TRAK1: variants seen among roughly 807,000 people sequenced by gnomAD.
The protein encoded by TRAK1 is trafficking kinesin protein 1.
Under a neutral mutation model 92.1 loss-of-function variants are expected in TRAK1, and 33 were observed. The observed-to-expected ratio is 0.36, with a 90% CI of 0.27 to 0.48. The LOEUF is 0.48. TRAK1 is among the 20% of genes least tolerant of loss of function. The pLI is 0.99. For missense variants in TRAK1, 1,123 were observed against 1,257.9 expected (o/e 0.89, Z 1.62); for synonymous variants, 521 against 517.3 (o/e 1.01, Z -0.10).
At chr3:42,072,304 T>C (rs1703966290) in intron 1 of TRAK1, among the ~76,000 whole-genome samples, 1 of 152,088 alleles carries the variant, frequency 6.6e-6, no homozygotes, top group Non-Finnish European at 1.5e-5. Flanking sequence ...TTTTTGGGTC[T>C]TTCAGGTGGT....
rs568144078 is a variant in TRAK1 at position 42,127,607 on chromosome 3, T to C, written c.286+1993T>C. 2.0e-5 allele frequency among the ~76,000 whole-genome samples: 3 copies of C among 152,214 alleles called. No homozygotes were observed. In the East Asian group the frequency reaches 5.8e-4, roughly 29 times the overall value. On this transcript the variant is annotated intron_variant, in intron 2 of 15. Transcript: ENST00000327628. ...AACTCCAGGCCTCAAACAATCCTCC[T>C]GCTTCAGCCTCCCAAAGTGCTAGGA...
intron 1 of TRAK1, among the ~76,000 whole-genome samples, chr3:42,121,081 A>G (rs1709785391): frequency 6.6e-6 from 1 of 152,096 alleles, no homozygotes; most frequent in Non-Finnish European, 1.5e-5. Flanking sequence ...GGCTGCTCCT[A>G]CCTGATCTGC....
chr3:42,080,171 T>G (rs576532916), intron 1 of TRAK1, among the ~76,000 whole-genome samples: 113 of 152,124 alleles, frequency 7.4e-4, no homozygotes, highest in African/African-American at 2.2e-3. Context: ...GGGGAGAAAA[T>G]ATTAGGAACT....
chr3:42,193,018 G>T, intron 7 of TRAK1, 57 bp from the exon 8 acceptor site: 5 of 1,600,034 alleles, frequency 3.1e-6, no homozygotes, highest in Non-Finnish European at 4.3e-6. Context: ...CATTCTCTCT[G>T]GGTCTGCATG....
chr3:42,020,610 A>G (rs535016238), intron 1 of TRAK1, among the ~76,000 whole-genome samples: 1 of 152,326 alleles, frequency 6.6e-6, no homozygotes, highest in Admixed American at 6.5e-5. Context: ...GCTATGAACT[A>G]AGTGTATAAG....
chr3:42,031,586 T>C (rs932490213), intron 1 of TRAK1, among the ~76,000 whole-genome samples: 15 of 151,962 alleles, frequency 9.9e-5, no homozygotes, highest in Non-Finnish European at 2.2e-4. Flanking sequence ...TGAGCCATGA[T>C]TGTGCTACTG....
upstream of TRAK1, among the ~76,000 whole-genome samples, chr3:42,013,499 C>G (rs888836574): frequency 2.0e-5 from 3 of 151,594 alleles, no homozygotes; most frequent in African/African-American, 7.3e-5. This position sits in a 1 kb window ranked among gnomAD's most constrained non-coding sequence, Gnocchi z 5.1. Context: ...GGGCGCGGCT[C>G]CAGGCGACTA....
chr3:42,207,253 C>A (rs1056050575), intron 13 of TRAK1, among the ~76,000 whole-genome samples: 3 of 152,190 alleles, frequency 2.0e-5, no homozygotes, highest in Non-Finnish European at 4.4e-5. Context: ...TGTGCCTGCA[C>A]AGCCAGTGAG....
upstream of TRAK1, among the ~76,000 whole-genome samples, chr3:42,089,817 G>T (rs545714350): frequency 6.6e-6 from 1 of 152,246 alleles, no homozygotes; most frequent in African/African-American, 2.4e-5. Context: ...AAGTCGCGGA[G>T]GGCAAACTCT....
At chr3:42,184,884 T>G (rs182188033) in intron 4 of TRAK1, 83 bp downstream of exon 4, 1 of 1,331,466 alleles carries the variant, frequency 7.5e-7, no homozygotes, top group Non-Finnish European at 1.1e-6. Context: ...GATGAGAGAA[T>G]GGAGTCCTAG....
intron 1 of TRAK1, among the ~76,000 whole-genome samples, chr3:42,095,640 T>C (rs543537843): frequency 2.6e-5 from 4 of 152,318 alleles, no homozygotes; most frequent in Admixed American, 2.6e-4. Context: ...TTAACCATAT[T>C]ACTTAAAATG....
chr3:42,144,581 T>TA (rs1363683592), intron 2 of TRAK1, among the ~76,000 whole-genome samples: 1 of 152,176 alleles, frequency 6.6e-6, no homozygotes, highest in East Asian at 1.9e-4. Context: ...AATAAAATGT[T>TA]AAAAAAATTC....
At chr3:42,057,279 T>C (rs752944880) in intron 1 of TRAK1, among the ~76,000 whole-genome samples, 4 of 152,196 alleles carry the variant, frequency 2.6e-5, no homozygotes, top group Non-Finnish European at 5.9e-5. Context: ...TCCAGTTTTG[T>C]GCAATTGTTT....
At chr3:42,036,050 A>T (rs1244336886) in intron 1 of TRAK1, among the ~76,000 whole-genome samples, 2 of 152,240 alleles carry the variant, frequency 1.3e-5, no homozygotes, top group African/African-American at 2.4e-5. Flanking sequence ...CAGTTTTGAC[A>T]GTGGCCTGGC....
intron 1 of TRAK1, among the ~76,000 whole-genome samples, chr3:42,112,855 C>CT (rs1223344259): frequency 9.2e-5 from 14 of 152,020 alleles, no homozygotes; most frequent in African/African-American, 3.4e-4. Context: ...ACTGCATCCT[C>CT]TAACTGCTGT....
chr3:42,207,361 C>T (rs1399401902), intron 13 of TRAK1, among the ~76,000 whole-genome samples: 1 of 152,152 alleles, frequency 6.6e-6, no homozygotes, highest in Admixed American at 6.5e-5. Context: ...GCCCTGGACA[C>T]CCATCTGGAA....
chr3:42,087,387 C>T (rs1006528216), upstream of TRAK1: 1 of 152,894 alleles, frequency 6.5e-6, no homozygotes, highest in Non-Finnish European at 1.5e-5. Flanking sequence ...ACCGGGATGC[C>T]TGCACCATTA....
chr3:42,063,646 A>G (rs1237356494), intron 1 of TRAK1, among the ~76,000 whole-genome samples: 1 of 151,284 alleles, frequency 6.6e-6, no homozygotes, highest in Non-Finnish European at 1.5e-5. Flanking sequence ...AGATTGTGCC[A>G]CTGCATTCCA....
intron 11 of TRAK1, among the ~76,000 whole-genome samples, chr3:42,200,293 C>G (rs1277877808): frequency 6.6e-6 from 1 of 152,200 alleles, no homozygotes; most frequent in Non-Finnish European, 1.5e-5. Context: ...CCTAAAATAA[C>G]ACTTTCCAAA....
Sources: gnomAD v4.1 joint callset for allele counts (sites outside exome capture counted in the v4.1 genomes callset) on GRCh38, gnomAD v4.1.1 for gene constraint, Gnocchi (gnomAD v3.1) non-coding constraint, MANE v1.5 for transcripts, NCBI Gene and HGNC (gene_info 2026-07-23, HGNC 2026-07-21) for gene names.